Variants in SPAG16 observed in about 807,000 individuals in gnomAD.
The protein encoded by SPAG16 is sperm associated antigen 16, also known as sperm-associated antigen 16 protein.
In SPAG16, 86 loss-of-function variants were observed where a neutral mutation model predicts 80.4. The ratio of observed to expected loss-of-function variants is 1.07; its 90% confidence interval spans 0.90 to 1.28. The LOEUF (loss-of-function observed/expected upper bound fraction) is 1.28, where lower values mean the gene tolerates loss of function less well. Ranked by LOEUF, SPAG16 falls within the 50% of genes most tolerant of loss-of-function variation. The pLI is 0.00. For missense variants in SPAG16, 870 were observed against 765.3 expected, an observed-to-expected ratio of 1.14 and a Z score of -1.61; for synonymous variants, 294 against 265.9, an observed-to-expected ratio of 1.11 and a Z score of -1.03.
intron 15 of SPAG16, among the ~76,000 whole-genome samples, chr2:214,317,898 A>ACAATT (rs1473926371): frequency 6.6e-6 from 1 of 152,242 alleles, no homozygotes; most frequent in Non-Finnish European, 1.5e-5. Flanking sequence ...TGGAATTACC[A>ACAATT]CAATTTTTTT....
At chr2:213,871,628 G>A (rs993090143) in intron 11 of SPAG16, among the ~76,000 whole-genome samples, 4 of 151,966 alleles carry the variant, frequency 2.6e-5, no homozygotes, top group African/African-American at 9.7e-5. Flanking sequence ...AGGAGGTAAA[G>A]GCTAAGGCTA....
At chr2:213,625,909 C>A (rs2061944813) in intron 10 of SPAG16, among the ~76,000 whole-genome samples, 2 of 152,004 alleles carry the variant, frequency 1.3e-5, no homozygotes, top group South Asian at 4.1e-4. Context: ...AGGCTGGTCT[C>A]AAACTCCTGA....
chr2:213,821,069 T>C (rs1226776009), intron 10 of SPAG16, among the ~76,000 whole-genome samples: 2 of 152,108 alleles, frequency 1.3e-5, no homozygotes, highest in African/African-American at 4.8e-5. Context: ...ACAGACAAAT[T>C]TTGTTCTGCC....
chr2:213,628,069 A>G (rs1421754126), intron 10 of SPAG16, among the ~76,000 whole-genome samples: 1 of 152,162 alleles, frequency 6.6e-6, no homozygotes, highest in Non-Finnish European at 1.5e-5. Context: ...CTGCATTGTT[A>G]AAGAAGCCAC....
intron 15 of SPAG16, among the ~76,000 whole-genome samples, chr2:214,383,703 AGGTG>A (rs1316479270): frequency 6.6e-6 from 1 of 152,154 alleles, no homozygotes; most frequent in Non-Finnish European, 1.5e-5. Context: ...TAAGGCTGAG[AGGTG>A]GGAGTTGGGT....
intron 15 of SPAG16, among the ~76,000 whole-genome samples, chr2:214,315,675 G>A (rs942753006): frequency 1.3e-5 from 2 of 152,066 alleles, no homozygotes; most frequent in African/African-American, 4.8e-5. Context: ...GGGACTACAG[G>A]CGTGCGCCAT....
intron 10 of SPAG16, among the ~76,000 whole-genome samples, chr2:213,825,701 CTTTTTT>C (rs55777958): frequency 0.4 from 44,309 of 110,322 alleles, 7,212 homozygotes; most frequent in East Asian, 0.56. Flanking sequence ...TTCTTTCTTT[CTTTTTT>C]TTTTTTTTTT....
chr2:213,986,466 A>G (rs1411536607), intron 12 of SPAG16, among the ~76,000 whole-genome samples: 3 of 151,982 alleles, frequency 2.0e-5, no homozygotes, highest in African/African-American at 7.2e-5. Flanking sequence ...ATTTTAGATT[A>G]TGTTTATGTT....
chr2:213,461,279 A>C (rs1445935535), intron 9 of SPAG16, among the ~76,000 whole-genome samples: 1 of 152,208 alleles, frequency 6.6e-6, no homozygotes, highest in Non-Finnish European at 1.5e-5. Context: ...GTAATATGGC[A>C]TGGCTTAGTA....
At chr2:214,224,070 C>A (rs2058644966) in intron 15 of SPAG16, among the ~76,000 whole-genome samples, 1 of 152,140 alleles carries the variant, frequency 6.6e-6, no homozygotes, top group South Asian at 2.1e-4. Context: ...GTTAGTGGGG[C>A]TGTAGTCTCC....
intron 13 of SPAG16, among the ~76,000 whole-genome samples, chr2:214,017,432 T>G (rs2124984576): frequency 6.6e-6 from 1 of 152,316 alleles, no homozygotes; most frequent in Admixed American, 6.5e-5. Context: ...TTCTATTGAC[T>G]TCAAGGTTTT....
chr2:213,675,043 C>G (rs375602242), intron 10 of SPAG16, among the ~76,000 whole-genome samples: 1 of 150,552 alleles, frequency 6.6e-6, no homozygotes, highest in African/African-American at 2.5e-5. Context: ...CTCTCCAGCA[C>G]CTGTTGTTTC....
intron 15 of SPAG16, among the ~76,000 whole-genome samples, chr2:214,283,901 TC>T (rs1167665813): frequency 6.6e-6 from 1 of 152,196 alleles, no homozygotes; most frequent in African/African-American, 2.4e-5. Flanking sequence ...ATTATAAACT[TC>T]TTTAAATTAC....
chr2:214,020,720 T>C (rs2047820752), intron 13 of SPAG16, among the ~76,000 whole-genome samples: 1 of 152,212 alleles, frequency 6.6e-6, no homozygotes, highest in Non-Finnish European at 1.5e-5. Context: ...CCACTAATTA[T>C]GCAAAGGAAT....
At chr2:214,170,972 G>A (rs575927030) in intron 15 of SPAG16, among the ~76,000 whole-genome samples, 4 of 152,018 alleles carry the variant, frequency 2.6e-5, no homozygotes, top group South Asian at 4.1e-4. Flanking sequence ...CAGGATTCTG[G>A]GCAGGCTGCC....
chr2:213,440,540 G>A (rs1167073364), intron 9 of SPAG16, among the ~76,000 whole-genome samples: 1 of 151,930 alleles, frequency 6.6e-6, no homozygotes, highest in South Asian at 2.1e-4. Flanking sequence ...GGGTGACAGA[G>A]CGAGACTCCA....
intron 7 of SPAG16, among the ~76,000 whole-genome samples, chr2:213,358,737 G>A (rs915774984): frequency 2.0e-5 from 3 of 152,036 alleles, no homozygotes; most frequent in East Asian, 1.9e-4. Context: ...TGTTATTACC[G>A]ACCTTCTGAA....
At chr2:213,651,087 A>G (rs993624680) in intron 10 of SPAG16, among the ~76,000 whole-genome samples, 5 of 152,174 alleles carry the variant, frequency 3.3e-5, no homozygotes, top group Non-Finnish European at 7.3e-5. Flanking sequence ...TAAAGCCATG[A>G]GATTATTTTC....
chr2:214,191,882 T>C (rs1404640750), intron 15 of SPAG16, among the ~76,000 whole-genome samples: 1 of 152,026 alleles, frequency 6.6e-6, no homozygotes, highest in African/African-American at 2.4e-5. Flanking sequence ...ACGTACAATT[T>C]GAAGATCCTT....
Sources: allele counts gnomAD v4.1 joint callset (sites outside exome capture counted in the v4.1 genomes callset), GRCh38; gene constraint gnomAD v4.1.1; transcripts MANE v1.5; gene names NCBI Gene and HGNC (gene_info 2026-07-23, HGNC 2026-07-21).